Variants in INSR observed in about 807,000 individuals in gnomAD.
The protein encoded by INSR is insulin receptor.
In INSR, 67 loss-of-function variants were observed where a neutral mutation model predicts 142.6. The observed-to-expected ratio is 0.47, with a 90% CI of 0.39 to 0.58. The LOEUF is 0.58. INSR is among the 20% of genes least tolerant of loss of function. INSR has a pLI of 0.00. For synonymous variants in INSR, 756 were observed against 743.1 expected, an observed-to-expected ratio of 1.02 and a Z score of -0.28; for missense variants, 1,248 against 1,833.2, an observed-to-expected ratio of 0.68 and a Z score of 5.83.
chr19:7,196,287 A>G (rs372362552), intron 2 of INSR, among the ~76,000 whole-genome samples: 65 of 152,332 alleles, frequency 4.3e-4, no homozygotes, highest in African/African-American at 1.6e-3. Context: ...AGGAGTATGT[A>G]TCATGCCTGC....
At chr19:7,136,828 CATATATAT>C (rs57665258) in intron 13 of INSR, among the ~76,000 whole-genome samples, 19 of 139,824 alleles carry the variant, frequency 1.4e-4, no homozygotes, top group African/African-American at 3.5e-4. Context: ...TATTTATTTA[CATATATAT>C]ATATATATAT....
intron 2 of INSR, among the ~76,000 whole-genome samples, chr19:7,210,325 A>G (rs553638220): frequency 7.0e-6 from 1 of 141,974 alleles, no homozygotes; most frequent in Non-Finnish European, 1.5e-5. Context: ...AGCCTGGTCA[A>G]CAGAGACTCT....
chr19:7,199,012 T>C (rs1370431919), intron 2 of INSR, among the ~76,000 whole-genome samples: 1 of 150,882 alleles, frequency 6.6e-6, no homozygotes, highest in African/African-American at 2.4e-5. Context: ...GCCTCCCGAG[T>C]AGCTGGGACT....
chr19:7,270,404 C>T (rs886072206), intron 1 of INSR, among the ~76,000 whole-genome samples: 10 of 150,636 alleles, frequency 6.6e-5, no homozygotes, highest in Non-Finnish European at 1.0e-4. Context: ...AACACTTGGC[C>T]GCCATCCTCC....
chr19:7,210,687 T>TTA (rs1975248130), intron 2 of INSR, among the ~76,000 whole-genome samples: 1 of 151,990 alleles, frequency 6.6e-6, no homozygotes, highest in Non-Finnish European at 1.5e-5. Context: ...TCAAGATAAG[T>TTA]TATATATATA....
At chr19:7,177,794 G>A (rs149324810) in intron 3 of INSR, among the ~76,000 whole-genome samples, 152 of 134,526 alleles carry the variant, frequency 1.1e-3, no homozygotes, top group African/African-American at 3.7e-3. Context: ...TGATCCACCC[G>A]CCTCGGCCTC....
intron 2 of INSR, among the ~76,000 whole-genome samples, chr19:7,203,762 A>C (rs1312228020): frequency 1.3e-5 from 2 of 152,202 alleles, no homozygotes; most frequent in Non-Finnish European, 2.9e-5. Flanking sequence ...CGTGAAACAG[A>C]ATCATAAGTC....
chr19:7,250,772 C>G (rs182811052), intron 2 of INSR, among the ~76,000 whole-genome samples: 7 of 152,272 alleles, frequency 4.6e-5, no homozygotes, highest in African/African-American at 1.7e-4. Context: ...CCTTTGAAAA[C>G]AGCTGACTGC....
At position 7,174,198 on chromosome 19, in the gene INSR, A is replaced by G. The variant is rs374619161; in HGVS notation, c.1123+385T>C. Among the ~76,000 whole-genome samples, 4 of 152,122 alleles carry G rather than the reference A, an allele frequency of 2.6e-5. No individual in the cohort carries two copies. The East Asian group carries it at 7.8e-4, about 30-fold the overall frequency. ...TCCCAGCTACTTGGGAGGCTGAGGT[A>G]GGAGGACTGCATGAGCCCAAGAGTT... On this transcript the variant is annotated intron_variant, in intron 4 of 21. Transcript: ENST00000302850.
intron 3 of INSR, among the ~76,000 whole-genome samples, chr19:7,181,195 C>G (rs747639776): frequency 1.3e-5 from 2 of 152,154 alleles, no homozygotes; most frequent in Admixed American, 1.3e-4. Flanking sequence ...ATCCACCCAC[C>G]TCGGCCTCCC....
In INSR at chr19:7,267,940, C is replaced by T; in HGVS notation, c.101-44G>A. 6.6e-7 allele frequency: 1 copy of T among 1,512,212 alleles called. No homozygotes were observed. The highest frequency in any genetic ancestry group is 9.1e-7 in the Non-Finnish European group (1 of 1,095,904). The allele number at this position is 1,512,212 out of a possible 1,614,324, so 93.7% of individuals were successfully genotyped here. On this transcript the variant is annotated intron_variant, in intron 1 of 21. Transcript: ENST00000302850. This position sits in a 1 kb window ranked among gnomAD's most constrained non-coding sequence, Gnocchi z 6.3. ...AGAAAGCAAGACAGGTGAGCAGACGCACGGTGGATGCATCAGAAGGATCAG... is the reference window on the plus strand; with the variant it reads ...AGAAAGCAAGACAGGTGAGCAGACGTACGGTGGATGCATCAGAAGGATCAG...
Position 7,119,671 on chromosome 19 carries a change from C to A in INSR, c.3660-88G>T. 1 of 1,439,224 alleles carries A rather than the reference C, an allele frequency of 6.9e-7. No individual in the cohort carries two copies. The highest frequency in any genetic ancestry group is 1.2e-5 in the South Asian group (1 of 86,914). The allele number at this position is 1,439,224 out of a possible 1,614,324, so 89.2% of individuals were successfully genotyped here. ...GCGCAAACACACACACGCAAACGCA[C>A]ACACACACGCAAACACACATGCCAA... On this transcript the variant is annotated intron_variant, in intron 20 of 21. Transcript: ENST00000302850. The surrounding 1 kb of genome is among the most constrained non-coding windows in gnomAD (Gnocchi z 5.2).
intron 2 of INSR, among the ~76,000 whole-genome samples, chr19:7,246,781 T>C (rs1976548679): frequency 6.6e-6 from 1 of 152,162 alleles, no homozygotes; most frequent in Admixed American, 6.5e-5. Flanking sequence ...AGTTCTATGT[T>C]TCAGGGTGGT....
rs1196358418 is a variant in INSR at position 7,216,621 on chromosome 19, A to G, written c.653-31984T>C. On this transcript the variant is annotated intron_variant, in intron 2 of 21. Coordinates refer to ENST00000302850, the MANE Select transcript of INSR (RefSeq NM_000208.4). This position sits in a 1 kb window ranked among gnomAD's most constrained non-coding sequence, Gnocchi z 4.2. Reference sequence around the variant, plus strand: ...TAATGGAGCCACTGCAGGTGTCCCCAGAAGCCACAGCAAGGCCATCAGGAT... The same window carrying G: ...TAATGGAGCCACTGCAGGTGTCCCCGGAAGCCACAGCAAGGCCATCAGGAT... Among the ~76,000 whole-genome samples the G allele has an allele frequency of 5.3e-5, 8 of 152,148 alleles. No individual in the cohort carries two copies. The highest frequency in any genetic ancestry group is 1.0e-4 in the Non-Finnish European group (7 of 68,030).
intron 3 of INSR, among the ~76,000 whole-genome samples, chr19:7,182,832 T>C (rs891155326): frequency 2.0e-5 from 3 of 148,708 alleles, no homozygotes; most frequent in African/African-American, 7.4e-5. Flanking sequence ...TTTTTTTATT[T>C]CAATTGTGAT....
At chr19:7,197,516 G>GGTGTGTGTGTGTGT (rs552352795) in intron 2 of INSR, among the ~76,000 whole-genome samples, 8 of 70,924 alleles carry the variant, frequency 1.1e-4, no homozygotes, top group African/African-American at 4.9e-4. Context: ...TGGGAGTGGG[G>GGTGTGTGTGTGTGT]GTGTGTGTGT....
intron 4 of INSR, among the ~76,000 whole-genome samples, chr19:7,173,894 T>A (rs1175049763): frequency 3.3e-5 from 5 of 151,976 alleles, no homozygotes; most frequent in Admixed American, 3.3e-4. Context: ...ACTGTTGGGA[T>A]TACAGGCATG....
intron 14 of INSR, 71 bp downstream of exon 14, chr19:7,132,087 C>G (rs1305369430): frequency 3.8e-6 from 6 of 1,593,588 alleles, no homozygotes; most frequent in Non-Finnish European, 5.2e-6. Flanking sequence ...TCCAAGTCAT[C>G]CCCTGCAATG....
chr19:7,175,174 A>G (rs527645220), intron 3 of INSR, among the ~76,000 whole-genome samples: 2 of 152,054 alleles, frequency 1.3e-5, no homozygotes, highest in Admixed American at 6.6e-5. Flanking sequence ...TTCTGAAAAC[A>G]CAGTCTGCCG....
Sources: gnomAD v4.1 joint callset for allele counts (sites outside exome capture counted in the v4.1 genomes callset) on GRCh38, gnomAD v4.1.1 for gene constraint, Gnocchi (gnomAD v3.1) non-coding constraint, MANE v1.5 for transcripts, NCBI Gene and HGNC (gene_info 2026-07-23, HGNC 2026-07-21) for gene names.